ADGRL3: variants seen among roughly 807,000 people sequenced by gnomAD.
ADGRL3 encodes calcium-independent alpha-latrotoxin receptor 3.
In ADGRL3, 62 loss-of-function variants were observed where a neutral mutation model predicts 153.5. That is an observed-to-expected ratio of 0.40 (90% CI 0.33 to 0.50). ADGRL3 has a LOEUF of 0.50. Among genes scored for constraint, ADGRL3 ranks in the 20% least tolerant of loss-of-function variants. The pLI is 0.47. For synonymous variants in ADGRL3, 710 were observed against 672.5 expected, an observed-to-expected ratio of 1.06 and a Z score of -0.86; for missense variants, 1,641 against 1,859.4, an observed-to-expected ratio of 0.88 and a Z score of 2.16.
At chr4:61,285,849 T>C (rs1353252371) in intron 1 of ADGRL3, among the ~76,000 whole-genome samples, 1 of 151,810 alleles carries the variant, frequency 6.6e-6, no homozygotes, top group Non-Finnish European at 1.5e-5. Flanking sequence ...TTGCTTTTAC[T>C]TGACAGCTTT....
In ADGRL3 at chr4:61,570,427, T is replaced by C. The variant is rs188778955; in HGVS notation, c.260-16800T>C. Among the ~76,000 whole-genome samples, 36 of 152,292 alleles carry C rather than the reference T, an allele frequency of 2.4e-4. No individual in the cohort carries two copies. In the East Asian group the frequency reaches 5.2e-3, roughly 22 times the overall value. On this transcript the variant is annotated intron_variant, in intron 4 of 26. Transcript: ENST00000683033. ...TATCTGGGTGATTACAATTATCATC[T>C]TGTTATTCCTTCTACCATTGCCTCT... is the stretch of plus-strand genomic sequence containing the variant.
At chr4:61,543,149 C>T (rs1565903) in intron 4 of ADGRL3, among the ~76,000 whole-genome samples, 30,167 of 149,392 alleles carry the variant, frequency 0.2, 3,368 homozygotes, top group East Asian at 0.33. Context: ...CCCACCCCCC[C>T]ACCTCGACTT....
intron 6 of ADGRL3, among the ~76,000 whole-genome samples, chr4:61,680,759 T>A (rs946696239): frequency 1.7e-4 from 26 of 152,184 alleles, no homozygotes; most frequent in African/African-American, 6.3e-4. Context: ...GAGTTAGTTT[T>A]TAAACTGTTT....
intron 8 of ADGRL3, among the ~76,000 whole-genome samples, chr4:61,777,666 G>A (rs1046885923): frequency 1.3e-5 from 2 of 151,998 alleles, no homozygotes; most frequent in Admixed American, 6.6e-5. Context: ...GCACCTCCTC[G>A]TCATTAGGAC....
chr4:61,748,633 GT>G (rs2096707396), intron 8 of ADGRL3, among the ~76,000 whole-genome samples: 2 of 152,092 alleles, frequency 1.3e-5, no homozygotes, highest in Admixed American at 6.6e-5. Context: ...TTAATAAATG[GT>G]GTTGGGAAAA....
rs917872066 is a variant in ADGRL3 at position 61,476,261 on chromosome 4, G to C, written c.-173-20860G>C. On this transcript the variant is annotated intron_variant, in intron 2 of 26. Coordinates refer to ENST00000683033, the MANE Select transcript of ADGRL3 (RefSeq NM_001387552.1). The stretch of plus-strand genomic sequence containing the variant: ...TATTTTTTTGAGAGAGAGTCACTTT[G>C]TCGCCCAGGCTGGAGTGCAGCGGGT... 6.6e-5 allele frequency among the ~76,000 whole-genome samples: 10 copies of C among 152,030 alleles called. No individual in the cohort carries two copies. The East Asian group carries it at 1.8e-3, about 27-fold the overall frequency.
chr4:61,354,601 C>T (rs557015498), intron 1 of ADGRL3, among the ~76,000 whole-genome samples: 6 of 113,484 alleles, frequency 5.3e-5, no homozygotes, highest in Admixed American at 1.8e-4. Flanking sequence ...TGTGTGTGTG[C>T]GCTTTAGTGA....
rs2097171850 is a variant in ADGRL3, at chr4:61,418,796, A to G, written c.-174+35607A>G. On this transcript the variant is annotated intron_variant, in intron 2 of 26. Coordinates refer to ENST00000683033, the MANE Select transcript of ADGRL3 (RefSeq NM_001387552.1). ...TACTTAATATTATTAATTGTGTTAA[A>G]TGTTCATGCTTCCATGAGGGCCATT... 1.3e-5 allele frequency among the ~76,000 whole-genome samples: 2 copies of G among 150,596 alleles called. 1 individual carries two copies. Among genetic ancestry groups the G allele is most frequent in the African/African-American group, 4.9e-5 (2 of 40,442 alleles).
chr4:61,722,309 G>T (rs1024940886), intron 6 of ADGRL3, among the ~76,000 whole-genome samples: 2 of 152,130 alleles, frequency 1.3e-5, no homozygotes, highest in Admixed American at 6.6e-5. Flanking sequence ...TTGAAATCTT[G>T]TGAATTAATC....
chr4:62,017,637 A>T (rs977406142), intron 21 of ADGRL3, among the ~76,000 whole-genome samples: 3 of 152,060 alleles, frequency 2.0e-5, no homozygotes, highest in African/African-American at 7.2e-5. Flanking sequence ...TCTGGTAAGG[A>T]TATTTTTTTG....
intron 1 of ADGRL3, among the ~76,000 whole-genome samples, chr4:61,251,461 C>T (rs1037390464): frequency 3.3e-5 from 5 of 152,184 alleles, no homozygotes; most frequent in Non-Finnish European, 7.3e-5. Context: ...CCCATGGCAT[C>T]ACTTTTGCCA....
At chr4:61,890,893 C>T (rs938798240) in intron 9 of ADGRL3, among the ~76,000 whole-genome samples, 5 of 152,134 alleles carry the variant, frequency 3.3e-5, no homozygotes, top group East Asian at 3.9e-4. Context: ...TTAAGTTACT[C>T]AATTTTCTTT....
intron 8 of ADGRL3, among the ~76,000 whole-genome samples, chr4:61,777,956 A>C (rs141411350): frequency 6.6e-6 from 1 of 152,158 alleles, no homozygotes; most frequent in African/African-American, 2.4e-5. Context: ...AAAGAGTTCT[A>C]GTGTCATGTC....
chr4:61,746,586 A>C (rs957193027), intron 8 of ADGRL3, among the ~76,000 whole-genome samples: 6 of 152,186 alleles, frequency 3.9e-5, no homozygotes, highest in African/African-American at 1.4e-4. Context: ...TGGAAACTGA[A>C]CAACCTGCTC....
chr4:61,623,033 G>A (rs1346627179), intron 5 of ADGRL3, among the ~76,000 whole-genome samples: 7 of 151,952 alleles, frequency 4.6e-5, no homozygotes, highest in Non-Finnish European at 8.8e-5. Flanking sequence ...TTAATAGACC[G>A]ATAAATAGAA....
intron 1 of ADGRL3, among the ~76,000 whole-genome samples, chr4:61,249,908 A>G (rs1242443954): frequency 6.6e-6 from 1 of 152,110 alleles, no homozygotes; most frequent in Non-Finnish European, 1.5e-5. Flanking sequence ...TTCCCTTTCT[A>G]ATTCTCATTT....
At chr4:61,960,996 C>T (rs537771547) in intron 17 of ADGRL3, among the ~76,000 whole-genome samples, 1 of 152,294 alleles carries the variant, frequency 6.6e-6, no homozygotes, top group South Asian at 2.1e-4. Flanking sequence ...GTGTGAGCCA[C>T]TGCACCTGGC....
intron 5 of ADGRL3, among the ~76,000 whole-genome samples, chr4:61,603,473 T>C (rs527643606): frequency 4.9e-4 from 74 of 152,294 alleles, no homozygotes; most frequent in African/African-American, 1.6e-3. Context: ...ATTTTCTATA[T>C]AGCTGGTCAT....
At chr4:62,035,834 G>A (rs1005501915) in intron 23 of ADGRL3, among the ~76,000 whole-genome samples, 1 of 152,030 alleles carries the variant, frequency 6.6e-6, no homozygotes, top group African/African-American at 2.4e-5. Flanking sequence ...CAGTCTTGTA[G>A]TTTACTCTCA....
Sources: gnomAD v4.1 joint callset for allele counts (sites outside exome capture counted in the v4.1 genomes callset) on GRCh38, gnomAD v4.1.1 for gene constraint, MANE v1.5 for transcripts, NCBI Gene and HGNC (gene_info 2026-07-23, HGNC 2026-07-21) for gene names.